Variants in RAD51B observed in about 807,000 individuals in gnomAD.
RAD51B encodes DNA repair protein RAD51 homolog 2.
Under a neutral mutation model 42.2 loss-of-function variants are expected in RAD51B, and 38 were observed. The ratio of observed to expected loss-of-function variants is 0.90; its 90% CI spans 0.70 to 1.18. The LOEUF is 1.18. RAD51B is among the 50% of genes most tolerant of loss of function. The pLI, the probability that RAD51B is intolerant of heterozygous loss-of-function variation, is 0.00. For missense variants in RAD51B, 373 were observed against 400.7 expected, an observed-to-expected ratio of 0.93 and a Z score of 0.59; for synonymous variants, 154 against 145.2, an observed-to-expected ratio of 1.06 and a Z score of -0.43.
At chr14:68,326,962 C>T (rs2139785522) in intron 8 of RAD51B, among the ~76,000 whole-genome samples, 1 of 152,130 alleles carries the variant, frequency 6.6e-6, no homozygotes, top group East Asian at 1.9e-4. Flanking sequence ...AGCCCAACAT[C>T]ACTCTGCTCC....
At chr14:68,606,107 C>T (rs115380387) in intron 10 of RAD51B, among the ~76,000 whole-genome samples, 1 of 152,148 alleles carries the variant, frequency 6.6e-6, no homozygotes, top group East Asian at 1.9e-4. Flanking sequence ...GCACTTGGGC[C>T]GGGTGGGACT....
chr14:68,574,660 G>C (rs1338731190), intron 10 of RAD51B, among the ~76,000 whole-genome samples: 1 of 152,252 alleles, frequency 6.6e-6, no homozygotes, highest in Admixed American at 6.5e-5. Context: ...CAGCGAAGCA[G>C]AAATGTATTA....
intron 11 of RAD51B, among the ~76,000 whole-genome samples, chr14:68,660,039 G>A (rs7140546): frequency 0.25 from 37,807 of 152,156 alleles, 5,298 homozygotes; most frequent in African/African-American, 0.37. Context: ...GCTTTTAAAC[G>A]AATAAGCCAT....
At chr14:67,880,314 C>T (rs1396192296) in intron 5 of RAD51B, among the ~76,000 whole-genome samples, 2 of 152,190 alleles carry the variant, frequency 1.3e-5, no homozygotes, top group East Asian at 3.9e-4. Context: ...CTACCAAATA[C>T]TTAAGTCAGA....
chr14:68,341,108 G>A (rs2082563174), intron 8 of RAD51B, among the ~76,000 whole-genome samples: 2 of 152,214 alleles, frequency 1.3e-5, no homozygotes, highest in South Asian at 2.1e-4. Flanking sequence ...CAATGTTAAT[G>A]ACTAAATTAG....
intron 7 of RAD51B, among the ~76,000 whole-genome samples, chr14:68,197,275 A>G (rs1003552159): frequency 6.6e-6 from 1 of 152,186 alleles, no homozygotes; most frequent in Non-Finnish European, 1.5e-5. Flanking sequence ...TGAAACTCAC[A>G]TACGTAGAAA....
At chr14:68,603,558 C>T (rs1891312108) in intron 10 of RAD51B, among the ~76,000 whole-genome samples, 1 of 152,080 alleles carries the variant, frequency 6.6e-6, no homozygotes, top group South Asian at 2.1e-4. Flanking sequence ...TTTGGGGTCC[C>T]CATCATGCCT....
At chr14:68,654,870 C>T (rs1892777782) in intron 11 of RAD51B, among the ~76,000 whole-genome samples, 1 of 152,204 alleles carries the variant, frequency 6.6e-6, no homozygotes, top group African/African-American at 2.4e-5. Context: ...TTCATGCTCC[C>T]CAGCCCAATG....
chr14:68,291,953 C>T lies in RAD51B; in HGVS notation c.826C>T (p.Pro276Ser). Residue 276 changes from proline to serine, a missense_variant, in exon 8 of 11, where the codon CCA (proline) becomes TCA (serine). Physicochemically the swap from Pro to Ser is moderately conservative, Grantham distance 74. Transcript: ENST00000471583. The stretch of plus-strand genomic sequence containing the variant: ...GGCTTCTCAGGCAGACCTGGTGTCT[C>T]CAGCTGATGATTTGTCCCTGTCTGA... ...ALASQADLVS[P>S]ADDLSLSEGT... 6.2e-7 allele frequency: 1 copy of T among 1,613,690 alleles called. No homozygotes were observed. Among genetic ancestry groups the T allele is most frequent in the Non-Finnish European group, 8.5e-7 (1 of 1,179,628 alleles).
chr14:68,480,946 T>G (rs1274793458), downstream of RAD51B, among the ~76,000 whole-genome samples: 1 of 151,754 alleles, frequency 6.6e-6, no homozygotes, highest in Non-Finnish European at 1.5e-5. Context: ...TCTTGGGGGG[T>G]TTATTTGTAT....
chr14:68,163,527 C>G (rs756238134), intron 7 of RAD51B, among the ~76,000 whole-genome samples: 1 of 152,166 alleles, frequency 6.6e-6, no homozygotes, highest in African/African-American at 2.4e-5. Context: ...TTTACCTAAT[C>G]TCAGGAATAC....
chr14:68,232,759 G>A (rs756420091), intron 7 of RAD51B, among the ~76,000 whole-genome samples: 19 of 152,182 alleles, frequency 1.2e-4, no homozygotes, highest in Non-Finnish European at 2.5e-4. Context: ...TTCAACCATG[G>A]AAATCCCCTA....
At chr14:68,482,478 G>A (rs1020929653), downstream of RAD51B, among the ~76,000 whole-genome samples, 10 of 152,184 alleles carry the variant, frequency 6.6e-5, no homozygotes, top group Non-Finnish European at 8.8e-5. Context: ...GGAAAGGGAG[G>A]ATAAGGATTA....
intron 7 of RAD51B, among the ~76,000 whole-genome samples, chr14:67,894,067 C>G (rs140272604): frequency 7.7e-4 from 118 of 152,278 alleles, no homozygotes; most frequent in African/African-American, 2.8e-3. Context: ...GTATTTATCC[C>G]AGCTCTAACC....
intron 7 of RAD51B, among the ~76,000 whole-genome samples, chr14:68,234,162 G>A (rs2080200488): frequency 6.6e-6 from 1 of 152,194 alleles, no homozygotes; most frequent in Non-Finnish European, 1.5e-5. Context: ...TGGATACAGG[G>A]GTGGGTGTTT....
At chr14:67,819,967 T>C (rs1444290784) in intron 1 of RAD51B, 114 bp downstream of exon 1, 1 of 152,170 alleles carries the variant, frequency 6.6e-6, no homozygotes, top group African/African-American at 2.4e-5. Flanking sequence ...AGATTTTCTC[T>C]TGGGTGCTGG....
intron 7 of RAD51B, among the ~76,000 whole-genome samples, chr14:67,921,431 A>G (rs2044318130): frequency 1.3e-5 from 2 of 152,204 alleles, no homozygotes; most frequent in African/African-American, 2.4e-5. Flanking sequence ...TTATTGAACA[A>G]GTACAAGCTA....
chr14:67,898,732 A>G (rs1047913780), intron 7 of RAD51B, among the ~76,000 whole-genome samples: 2 of 152,246 alleles, frequency 1.3e-5, no homozygotes, highest in East Asian at 1.9e-4. Flanking sequence ...ATAAAAAGCC[A>G]GAAAACAACT....
intron 7 of RAD51B, among the ~76,000 whole-genome samples, chr14:68,157,006 G>A (rs2078526259): frequency 6.6e-6 from 1 of 152,082 alleles, no homozygotes; most frequent in Non-Finnish European, 1.5e-5. Flanking sequence ...AGACCAGCCT[G>A]GGCAACATGG....
Sources: allele counts gnomAD v4.1 joint callset (sites outside exome capture counted in the v4.1 genomes callset), GRCh38; gene constraint gnomAD v4.1.1; transcripts MANE v1.5; gene names NCBI Gene and HGNC (gene_info 2026-07-23, HGNC 2026-07-21).